Variants in LAMA3 observed in about 807,000 individuals in gnomAD.
The protein encoded by LAMA3 is laminin subunit alpha 3.
In LAMA3, 281 loss-of-function variants were observed where a neutral mutation model predicts 402.0. The ratio of observed to expected loss-of-function variants is 0.70; its 90% CI spans 0.63 to 0.77. The LOEUF (loss-of-function observed/expected upper bound fraction) is 0.77, where lower values mean the gene tolerates loss of function less well. LAMA3 is among the 30% of genes least tolerant of loss of function. The probability of loss-of-function intolerance (pLI) is 0.00; values close to 1 mark genes in which losing one functional copy is unlikely to be tolerated. For missense variants in LAMA3, 3,840 were observed against 4,215.5 expected (o/e 0.91, Z 2.47); for synonymous variants, 1,431 against 1,558.4 (o/e 0.92, Z 1.93).
chr18:23,816,358 G>T, intron 17 of LAMA3, 30 bp from the exon 18 acceptor site: 1 of 1,580,934 alleles, frequency 6.3e-7, no homozygotes, highest in Non-Finnish European at 8.7e-7. Context: ...ATGGTTTAAG[G>T]TATAACTGCT....
chr18:23,852,183 CT>C (rs1391190016), intron 32 of LAMA3, among the ~76,000 whole-genome samples: 1 of 152,136 alleles, frequency 6.6e-6, no homozygotes. Flanking sequence ...GTTGGCCTTC[CT>C]TTTCCTGGTT....
chr18:23,876,445 T>C, intron 39 of LAMA3, 38 bp downstream of exon 39: 1 of 1,341,156 alleles, frequency 7.5e-7, no homozygotes, highest in Non-Finnish European at 1.1e-6. Context: ...CAGCAGACAA[T>C]CTGTTTCTCC....
At chr18:23,855,706 C>T (rs551148816) in intron 32 of LAMA3, among the ~76,000 whole-genome samples, 84 of 152,238 alleles carry the variant, frequency 5.5e-4, no homozygotes, top group Non-Finnish European at 9.7e-4. Context: ...AAAGCGTCTC[C>T]GATCCTCTCC....
intron 54 of LAMA3, 143 bp downstream of exon 54, chr18:23,908,078 C>A: frequency 1.2e-6 from 1 of 800,714 alleles, no homozygotes; most frequent in Non-Finnish European, 2.1e-6. Flanking sequence ...AGGATATATT[C>A]AAAGCGTATA....
chr18:23,846,935 GAAT>G (rs772839105), intron 31 of LAMA3, among the ~76,000 whole-genome samples: 16 of 152,198 alleles, frequency 1.1e-4, no homozygotes, highest in Non-Finnish European at 2.1e-4. Context: ...GCTACTCACT[GAAT>G]GAGAACCCAT....
chr18:23,750,796 C>A (rs1305588761), intron 4 of LAMA3, 122 bp from the exon 5 acceptor site: 2 of 993,722 alleles, frequency 2.0e-6, no homozygotes, highest in Non-Finnish European at 3.2e-6. Flanking sequence ...AGACCCCCTA[C>A]GAATATCAAA....
At position 23,949,484 on chromosome 18, in the gene LAMA3, A is replaced by G. The variant is rs578134574; in HGVS notation, c.9352-281A>G. ...CTAGCACAAGCTAGCAACCTGCACT[A>G]GCCCGCCCTCCTGCACACACCACTT... On this transcript the variant is annotated intron_variant, in intron 70 of 74. Transcript: ENST00000313654. Among the ~76,000 whole-genome samples, 11 of 152,254 alleles carry G rather than the reference A, an allele frequency of 7.2e-5. No homozygotes were observed. The East Asian group carries it at 1.9e-3, about 27-fold the overall frequency.
At chr18:23,706,896 T>A (rs1043879575) in intron 1 of LAMA3, among the ~76,000 whole-genome samples, 2 of 152,106 alleles carry the variant, frequency 1.3e-5, no homozygotes, top group Non-Finnish European at 2.9e-5. Context: ...CTGACCAACA[T>A]GGAGAAACCC....
intron 40 of LAMA3, among the ~76,000 whole-genome samples, chr18:23,884,388 T>G (rs73967621): frequency 0.037 from 5,649 of 152,270 alleles, 226 homozygotes; most frequent in African/African-American, 0.1. Flanking sequence ...GGAGAACGTT[T>G]TTTTTTAAAG....
chr18:23,862,948 C>T (rs947737557), intron 35 of LAMA3, among the ~76,000 whole-genome samples: 10 of 150,058 alleles, frequency 6.7e-5, no homozygotes, highest in Admixed American at 5.4e-4. Context: ...GTCCTCATGA[C>T]ATGACAGCTG....
intron 60 of LAMA3, among the ~76,000 whole-genome samples, chr18:23,917,419 A>C (rs1462627882): frequency 1.3e-5 from 2 of 152,166 alleles, no homozygotes; most frequent in African/African-American, 4.8e-5. Flanking sequence ...TGGTAGTTTT[A>C]AGTTATTTGA....
At chr18:23,776,072 GT>G (rs2062311732) in intron 10 of LAMA3, 149 bp downstream of exon 10, 2 of 820,178 alleles carry the variant, frequency 2.4e-6, no homozygotes, top group Non-Finnish European at 4.1e-6. Flanking sequence ...GTTTCTGAAA[GT>G]TTGGAATATA....
intron 2 of LAMA3, among the ~76,000 whole-genome samples, chr18:23,722,932 T>C (rs185289280): frequency 6.6e-6 from 1 of 152,288 alleles, no homozygotes; most frequent in African/African-American, 2.4e-5. Flanking sequence ...TTTCTCATCA[T>C]GAAGGGTGAA....
chr18:23,839,703 C>A lies in LAMA3; in HGVS notation c.3192-82C>A. ...TTGATGCCCATGCAGTCCTATGCTC[C>A]AAGTCTGTCTCTTCACTGATGGTCA... On this transcript the variant is annotated intron_variant, in intron 26 of 74. Transcript: ENST00000313654. The surrounding 1 kb of genome is among the most constrained non-coding windows in gnomAD (Gnocchi z 4.5). 6.7e-7 allele frequency: 1 copy of A among 1,481,910 alleles called. No individual in the cohort carries two copies. The highest frequency in any genetic ancestry group is 9.4e-7 in the Non-Finnish European group (1 of 1,062,010). The allele number at this position is 1,481,910 out of a possible 1,614,324, so 91.8% of individuals were successfully genotyped here.
intron 11 of LAMA3, chr18:23,781,429 A>G (rs1041392027): frequency 2.9e-6 from 1 of 342,934 alleles, no homozygotes; most frequent in Non-Finnish European, 5.9e-6. Flanking sequence ...AAATGAACCT[A>G]AGACAGATTA....
At chr18:23,705,605 G>A (rs1257470283) in intron 1 of LAMA3, among the ~76,000 whole-genome samples, 1 of 152,034 alleles carries the variant, frequency 6.6e-6, no homozygotes, top group Non-Finnish European at 1.5e-5. Flanking sequence ...GCTCACTGCA[G>A]CCTCGACTTC....
intron 1 of LAMA3, among the ~76,000 whole-genome samples, chr18:23,695,541 G>A (rs1365614806): frequency 6.6e-6 from 1 of 151,998 alleles, no homozygotes; most frequent in Non-Finnish European, 1.5e-5. Flanking sequence ...CATCCTTAAG[G>A]CCAGGAATGG....
intron 1 of LAMA3, among the ~76,000 whole-genome samples, chr18:23,700,071 T>C (rs966249214): frequency 2.0e-5 from 3 of 152,340 alleles, no homozygotes; most frequent in Middle Eastern, 3.4e-3. Context: ...TTTTATCCTA[T>C]ATAAAATATT....
At position 23,879,909 on chromosome 18, in the gene LAMA3, A is replaced by G. The variant is rs758995608; in HGVS notation, c.5113-2027A>G. On this transcript the variant is annotated intron_variant, in intron 39 of 74. Transcript: ENST00000313654. The surrounding 1 kb of genome is among the most constrained non-coding windows in gnomAD (Gnocchi z 4.2). ...CGGATGTCCTCACCTCAATTCTTGC[A>G]TCTGTACATTCTTGCTTCTCCAATG... is the stretch of plus-strand genomic sequence containing the variant. 6.6e-6 allele frequency among the ~76,000 whole-genome samples: 1 copy of G among 152,242 alleles called. No homozygotes were observed. The highest frequency in any genetic ancestry group is 1.5e-5 in the Non-Finnish European group (1 of 68,038).
Sources: allele counts gnomAD v4.1 joint callset (sites outside exome capture counted in the v4.1 genomes callset), GRCh38; gene constraint gnomAD v4.1.1; non-coding constraint Gnocchi (gnomAD v3.1); transcripts MANE v1.5; gene names NCBI Gene and HGNC (gene_info 2026-07-23, HGNC 2026-07-21).